PRSS3: variants seen among roughly 807,000 people sequenced by gnomAD.
The protein encoded by PRSS3 is trypsin-3.
Under a neutral mutation model 20.8 loss-of-function variants are expected in PRSS3, and 14 were observed. The observed-to-expected ratio is 0.67, with a 90% confidence interval of 0.44 to 1.05. The LOEUF (loss-of-function observed/expected upper bound fraction) is 1.05, where lower values mean the gene tolerates loss of function less well. PRSS3 is among the 50% of genes least tolerant of loss of function. The pLI is 0.00. For missense variants in PRSS3, 237 were observed against 306.4 expected (o/e 0.77, Z 1.69); for synonymous variants, 91 against 117.6 (o/e 0.77, Z 1.46).
chr9:33,789,323 C>CT (rs999309542), intron 1 of PRSS3, among the ~76,000 whole-genome samples: 1 of 152,268 alleles, frequency 6.6e-6, no homozygotes, highest in South Asian at 2.1e-4. Flanking sequence ...CCTAATATCA[C>CT]TTTTTTTATA....
chr9:33,762,107 G>A (rs1823234475), intron 1 of PRSS3: 1 of 152,158 alleles, frequency 6.6e-6, no homozygotes, highest in Non-Finnish European at 1.5e-5. Flanking sequence ...ATTTTAGAAA[G>A]AGAGAGACAT....
At chr9:33,787,336 T>C (rs1824452711) in intron 1 of PRSS3, among the ~76,000 whole-genome samples, 1 of 152,166 alleles carries the variant, frequency 6.6e-6, no homozygotes, top group African/African-American at 2.4e-5. Flanking sequence ...AGTATGACAA[T>C]ATGACACATG....
chr9:33,781,281 C>G (rs142809588), intron 1 of PRSS3, among the ~76,000 whole-genome samples: 1 of 152,098 alleles, frequency 6.6e-6, no homozygotes, highest in Non-Finnish European at 1.5e-5. Context: ...TGGAATCAAG[C>G]GAGGTGCCCA....
chr9:33,781,227 G>A (rs1299773790), intron 1 of PRSS3, among the ~76,000 whole-genome samples: 2 of 152,124 alleles, frequency 1.3e-5, no homozygotes, highest in Admixed American at 6.6e-5. Flanking sequence ...ATACCAAAAT[G>A]CACTCATATG....
chr9:33,750,811 A>G lies in PRSS3; in HGVS notation c.-53+84A>G, dbSNP rs761201524. ...AGCCCCGCCAAGGAGCGGGGCTGTGATGGAGAGGGGGTTCCGACTCGCATG... is the reference window on the plus strand; with the variant it reads ...AGCCCCGCCAAGGAGCGGGGCTGTGGTGGAGAGGGGGTTCCGACTCGCATG... On this transcript the variant is annotated intron_variant, in intron 1 of 5. Coordinates refer to the PRSS3 transcript ENST00000342836. The surrounding 1 kb of genome is among the most constrained non-coding windows in gnomAD (Gnocchi z 4.8). 1 of 1,403,968 alleles carries G rather than the reference A, an allele frequency of 7.1e-7. No homozygotes were observed. The highest frequency in any genetic ancestry group is 2.9e-5 in the East Asian group (1 of 35,000). 87.0% of individuals were successfully genotyped at this position (1,403,968 alleles called of 1,614,324 possible). A position where few individuals can be genotyped will look rare whatever the true frequency, so the allele number is the denominator to read the frequency against.
intron 1 of PRSS3, among the ~76,000 whole-genome samples, chr9:33,769,891 C>T (rs561699582): frequency 6.6e-6 from 1 of 152,312 alleles, no homozygotes; most frequent in East Asian, 1.9e-4. Context: ...TTGGGCTGGG[C>T]GCGGTGGCTC....
chr9:33,771,641 T>C (rs1009772199), intron 1 of PRSS3, among the ~76,000 whole-genome samples: 2 of 119,154 alleles, frequency 1.7e-5, no homozygotes, highest in African/African-American at 6.0e-5. Flanking sequence ...TTTTTTGTTT[T>C]TTTGTTTTTT....
At chr9:33,766,296 G>A (rs1318931946) in intron 1 of PRSS3, among the ~76,000 whole-genome samples, 5 of 148,356 alleles carry the variant, frequency 3.4e-5, no homozygotes, top group South Asian at 2.1e-4. Context: ...AAAAGGAGCC[G>A]GGGGCGGTGG....
At chr9:33,764,136 A>G (rs1443483841) in intron 1 of PRSS3, among the ~76,000 whole-genome samples, 1 of 152,224 alleles carries the variant, frequency 6.6e-6, no homozygotes, top group Non-Finnish European at 1.5e-5. Flanking sequence ...ACAATTCAAT[A>G]GGGAAAAAGA....
intron 1 of PRSS3, among the ~76,000 whole-genome samples, chr9:33,770,321 G>T (rs936202597): frequency 1.3e-5 from 2 of 152,202 alleles, no homozygotes; most frequent in Non-Finnish European, 2.9e-5. Context: ...CACAGCTGGA[G>T]AAGAATTTTG....
intron 1 of PRSS3, among the ~76,000 whole-genome samples, chr9:33,772,627 A>G (rs1310709363): frequency 6.6e-6 from 1 of 152,112 alleles, no homozygotes; most frequent in Admixed American, 6.6e-5. Context: ...CCAACATCTC[A>G]TGAAAAACCT....
intron 1 of PRSS3, among the ~76,000 whole-genome samples, chr9:33,774,447 G>A (rs754801667): frequency 2.4e-4 from 36 of 152,122 alleles, no homozygotes; most frequent in Non-Finnish European, 4.9e-4. Flanking sequence ...TTGACAAGCC[G>A]GTATCAAGTA....
At chr9:33,766,978 G>A (rs1244381565) in intron 1 of PRSS3, among the ~76,000 whole-genome samples, 1 of 149,692 alleles carries the variant, frequency 6.7e-6, no homozygotes, top group South Asian at 2.1e-4. Context: ...TTTTTTTTAA[G>A]TAGAAGAGTA....
rs1822662849 is a variant in PRSS3 at position 33,750,928 on chromosome 9, G to A, written c.-53+201G>A. On this transcript the variant is annotated intron_variant, in intron 1 of 5. Coordinates refer to the PRSS3 transcript ENST00000342836. The surrounding 1 kb of genome is among the most constrained non-coding windows in gnomAD (Gnocchi z 4.8). ...TGGAGGCTCCTCTAGGGGAGGACGG[G>A]AGGGGATGGAGGGCCCTGGTGTCGC... 8.9e-6 allele frequency: 11 copies of A among 1,241,682 alleles called. No individual in the cohort carries two copies. Among genetic ancestry groups the A allele is most frequent in the Admixed American group, 3.7e-5 (1 of 27,086 alleles). 76.9% of individuals were successfully genotyped at this position (1,241,682 alleles called of 1,614,324 possible).
chr9:33,797,897 C>A lies in PRSS3; in HGVS notation c.269C>A (p.Ala90Glu). 1.2e-6 allele frequency: 2 copies of A among 1,614,238 alleles called. No homozygotes were observed. The highest frequency in any genetic ancestry group is 1.7e-6 in the Non-Finnish European group (2 of 1,180,042). ...GAGGGGAATGAGCAGTTCATCAATG[C>A]GGCCAAGATCATCCGCCACCCTAAA... ...VLEGNEQFIN[A>E]AKIIRHPKYN... The change falls in exon 3 of 5, where the codon GCG (alanine) becomes GAG (glutamate). Residue 90 changes from alanine (A) to glutamate (E), a missense_variant. Physicochemically the swap from Ala to Glu is moderately radical, Grantham distance 107. Transcript: ENST00000379405.
At chr9:33,789,867 A>C (rs1824556980) in intron 1 of PRSS3, among the ~76,000 whole-genome samples, 1 of 152,198 alleles carries the variant, frequency 6.6e-6, no homozygotes, top group Non-Finnish European at 1.5e-5. Context: ...GTTCTTCTTT[A>C]ACACTAGGTG....
At chr9:33,773,915 C>T (rs1363514516) in intron 1 of PRSS3, among the ~76,000 whole-genome samples, 2 of 152,208 alleles carry the variant, frequency 1.3e-5, no homozygotes, top group African/African-American at 4.8e-5. Flanking sequence ...GCTGGGATTA[C>T]AGGTGTGAGC....
At chr9:33,786,458 G>A (rs1396432348) in intron 1 of PRSS3, 2 of 709,140 alleles carry the variant, frequency 2.8e-6, no homozygotes, top group Admixed American at 1.9e-5. Flanking sequence ...TGGTATTGGA[G>A]AGATAAAGCA....
At chr9:33,761,219 G>C (rs1823186828) in intron 1 of PRSS3, among the ~76,000 whole-genome samples, 2 of 152,188 alleles carry the variant, frequency 1.3e-5, no homozygotes, top group Admixed American at 1.3e-4. Context: ...TACACATCTA[G>C]GCTATGCGGT....
Sources: allele counts gnomAD v4.1 joint callset (sites outside exome capture counted in the v4.1 genomes callset), GRCh38; gene constraint gnomAD v4.1.1; non-coding constraint Gnocchi (gnomAD v3.1); transcripts MANE v1.5; gene names NCBI Gene and HGNC (gene_info 2026-07-23, HGNC 2026-07-21).